Variants in FAM186A observed in about 807,000 individuals in gnomAD.
FAM186A encodes protein FAM186A.
In FAM186A, 163 loss-of-function variants were observed where a neutral mutation model predicts 216.8. That is an observed-to-expected ratio of 0.75 (90% CI 0.66 to 0.86). The LOEUF is 0.86. Among genes scored for constraint, FAM186A ranks in the 40% least tolerant of loss-of-function variants. FAM186A has a pLI of 0.00. For synonymous variants in FAM186A, 805 were observed against 1,025.3 expected (o/e 0.79, Z 4.10); for missense variants, 2,184 against 2,746.2 (o/e 0.80, Z 4.58).
At chr12:50,368,500 G>A (rs1943112063) in intron 1 of FAM186A, among the ~76,000 whole-genome samples, 1 of 151,992 alleles carries the variant, frequency 6.6e-6, no homozygotes, top group Admixed American at 6.6e-5. Context: ...AAATGTTACT[G>A]AGAGAAATTA....
chr12:50,378,558 G>GTATATATATA (rs144897665), intron 1 of FAM186A, among the ~76,000 whole-genome samples: 329 of 14,234 alleles, frequency 0.023, 1 homozygote, highest in Admixed American at 0.028. Context: ...TATGTAAATT[G>GTATATATATA]TATATATATA....
intron 1 of FAM186A, among the ~76,000 whole-genome samples, chr12:50,367,335 T>G (rs4768855): frequency 6.6e-6 from 1 of 151,350 alleles, no homozygotes; most frequent in Non-Finnish European, 1.5e-5. Context: ...TGGCTAACAC[T>G]GTGAAACCCC....
intron 1 of FAM186A, among the ~76,000 whole-genome samples, chr12:50,369,921 G>A (rs557641244): frequency 2.6e-5 from 4 of 151,648 alleles, no homozygotes; most frequent in East Asian, 3.9e-4. Context: ...TCAGGAGATC[G>A]AGACCATCCT....
intron 4 of FAM186A, among the ~76,000 whole-genome samples, chr12:50,343,887 G>A (rs186317473): frequency 4.0e-5 from 6 of 151,480 alleles, no homozygotes; most frequent in Admixed American, 3.9e-4. Flanking sequence ...CCAAAGTGCT[G>A]GGATTATAGG....
At chr12:50,344,035 G>A (rs1427127896) in intron 4 of FAM186A, among the ~76,000 whole-genome samples, 1 of 149,162 alleles carries the variant, frequency 6.7e-6, no homozygotes, top group East Asian at 2.0e-4. Context: ...TACAGGATAA[G>A]CCACCACACC....
At chr12:50,373,713 C>T (rs1447636773) in intron 1 of FAM186A, among the ~76,000 whole-genome samples, 2 of 152,150 alleles carry the variant, frequency 1.3e-5, no homozygotes, top group Non-Finnish European at 2.9e-5. Context: ...GGACTGTAAA[C>T]TAGTTCAACC....
chr12:50,343,713 G>A (rs969815632), intron 4 of FAM186A, among the ~76,000 whole-genome samples: 1 of 152,134 alleles, frequency 6.6e-6, no homozygotes, highest in Non-Finnish European at 1.5e-5. Context: ...CCACCTCCCG[G>A]GTTCAAGCCA....
chr12:50,358,237 G>C (rs781665542), intron 3 of FAM186A, among the ~76,000 whole-genome samples: 1 of 152,024 alleles, frequency 6.6e-6, no homozygotes, highest in Non-Finnish European at 1.5e-5. Context: ...AAAATGAAAA[G>C]ACAAGTCATA....
In FAM186A at chr12:50,378,433, G is replaced by A. The variant is rs145057452; in HGVS notation, c.193-15069C>T. Reference sequence around the variant, plus strand: ...TAATCCCAGCTACTCGGGAGGCTGAGGCAGGAGAATCGTTTGAACCCCAGG... The same window carrying A: ...TAATCCCAGCTACTCGGGAGGCTGAAGCAGGAGAATCGTTTGAACCCCAGG... On this transcript the variant is annotated intron_variant, in intron 1 of 7. Coordinates refer to ENST00000327337, the MANE Select transcript of FAM186A (RefSeq NM_001145475.3). Among the ~76,000 whole-genome samples the A allele has an allele frequency of 8.7e-3, 1,314 of 151,658 alleles. 24 individuals are homozygous for A. The highest frequency in any genetic ancestry group is 0.03 in the African/African-American group (1,242 of 41,372).
intron 4 of FAM186A, among the ~76,000 whole-genome samples, chr12:50,347,023 T>C (rs1241863581): frequency 6.7e-6 from 1 of 148,732 alleles, no homozygotes; most frequent in Non-Finnish European, 1.5e-5. Context: ...AAAATAGATA[T>C]ACCATATTCT....
At chr12:50,382,572 C>T (rs1943263293) in intron 1 of FAM186A, among the ~76,000 whole-genome samples, 1 of 151,810 alleles carries the variant, frequency 6.6e-6, no homozygotes, top group Admixed American at 6.6e-5. Context: ...TGGTGGCTCA[C>T]ACCTGTAATC....
intron 1 of FAM186A, among the ~76,000 whole-genome samples, chr12:50,383,041 A>G (rs1943267391): frequency 6.6e-6 from 1 of 151,752 alleles, no homozygotes; most frequent in South Asian, 2.1e-4. Context: ...ACATGGAGAA[A>G]CCCCATCTCT....
In FAM186A at chr12:50,360,855, A is replaced by G. The variant is rs1253698302; in HGVS notation, c.484T>C (p.Leu162=). The change falls in exon 3 of 8, where the codon TTA becomes CTA. Residue 162 remains leucine, a synonymous_variant. Coordinates refer to ENST00000327337, the MANE Select transcript of FAM186A (RefSeq NM_001145475.3). ...TCAATAGCTTTTAACGTGTCCGGTA[A>G]CAACTCCATTTGTGCTATCCAGTGG... ...HHHWIAQMEL[L]PDTLKAIENN... 1.9e-6 allele frequency: 3 copies of G among 1,551,450 alleles called. No homozygotes were observed. Among genetic ancestry groups the G allele is most frequent in the Middle Eastern group, 1.7e-4 (1 of 5,992 alleles).
intron 1 of FAM186A, among the ~76,000 whole-genome samples, chr12:50,394,397 A>C (rs1238461068): frequency 2.0e-5 from 3 of 151,996 alleles, no homozygotes; most frequent in Non-Finnish European, 4.4e-5. Flanking sequence ...CTAAAAATAC[A>C]AAAACAATTA....
Position 50,351,218 on chromosome 12 carries a change from C to A in FAM186A, c.5614G>T (p.Asp1872Tyr). The A allele has an allele frequency of 6.4e-7, 1 of 1,551,526 alleles. No individual in the cohort carries two copies. Among genetic ancestry groups the A allele is most frequent in the Non-Finnish European group, 8.7e-7 (1 of 1,146,940 alleles). The change falls in exon 4 of 8, where the codon GAC becomes TAC. Residue 1872 changes from aspartate to tyrosine, a missense_variant. Around this residue, in one of 7 missense-constraint regions of FAM186A, gnomAD observed 721 missense variants for 816.4 expected, o/e 0.88. Transcript: ENST00000327337. ...LVPEASSIPG[D>Y]LLESGPLTFS... is the part of the protein sequence containing the mutation. ...GTTAAGGGTCCAGATTCCAGGAGGT[C>A]CCCAGGGATGGAAGAGGCTTCAGGA...
intron 1 of FAM186A, among the ~76,000 whole-genome samples, chr12:50,370,995 A>G (rs1465972595): frequency 6.6e-6 from 1 of 151,954 alleles, no homozygotes; most frequent in Non-Finnish European, 1.5e-5. Context: ...GCTACTTGGG[A>G]GACTGAGGCA....
intron 1 of FAM186A, among the ~76,000 whole-genome samples, chr12:50,364,335 G>A (rs1193048314): frequency 2.0e-5 from 3 of 151,348 alleles, no homozygotes; most frequent in South Asian, 4.2e-4. Flanking sequence ...AGGGCAGATC[G>A]CGAGGTCAGG....
In FAM186A at chr12:50,355,893, A is replaced by G. The variant is rs114911286; in HGVS notation, c.939T>C (p.Asn313=). ...LKIIRDLSNE[N]EMLQQKLQDA... is the part of the protein sequence containing the mutation. ...CTTGAAGTTTCTGCTGAAGCATTTC[A>G]TTTTCGTTACTGAGATCTCGTATTA... The change falls in exon 4 of 8, where the codon AAT becomes AAC. Residue 313 remains asparagine, a synonymous_variant. Coordinates refer to ENST00000327337, the MANE Select transcript of FAM186A (RefSeq NM_001145475.3). 1,619 of 1,551,198 alleles carry G rather than the reference A, an allele frequency of 1.0e-3. 18 individuals carry two copies. The African/African-American group carries it at 0.02, about 19-fold the overall frequency.
rs566239340 is a variant in FAM186A at position 50,350,822 on chromosome 12, G to A, written c.6010C>T (p.Arg2004Ter). ...AATGATTCTATAGCAAAAGTGTCTC[G>A]AAGTATCTGGGTTTCTTCGGAAGTG... ...SDTSEETQILRDTFAIESFRT... is the reference protein window; with the variant it reads ...SDTSEETQIL The change falls in exon 4 of 8, where the codon CGA (arginine) becomes TGA (stop). Residue 2004 changes from arginine (R) to a stop codon, truncating the protein, a stop_gained. Coordinates refer to ENST00000327337, the MANE Select transcript of FAM186A (RefSeq NM_001145475.3). LOFTEE classifies it high-confidence loss of function. The A allele has an allele frequency of 2.3e-5, 35 of 1,551,648 alleles. No homozygotes were observed. In the South Asian group the frequency reaches 2.9e-4, roughly 13 times the overall value.
Sources: allele counts gnomAD v4.1 joint callset (sites outside exome capture counted in the v4.1 genomes callset), GRCh38; gene constraint gnomAD v4.1.1; regional missense constraint gnomAD v4.1.1; transcripts MANE v1.5; gene names NCBI Gene and HGNC (gene_info 2026-07-23, HGNC 2026-07-21).